The following ARRB1 variants were observed in gnomAD, a reference collection of about 807,000 sequenced individuals.
The protein encoded by ARRB1 is arrestin beta 1, also known as beta-arrestin-1.
ARRB1 carries 21 observed loss-of-function variants against 56.8 expected under a neutral mutation model. That is an observed-to-expected ratio of 0.37 (90% confidence interval 0.26 to 0.53). ARRB1 has a LOEUF of 0.53. Ranked by LOEUF, ARRB1 falls within the 20% of genes least tolerant of loss-of-function variation. The pLI is 0.88. For missense variants in ARRB1, 424 were observed against 553.7 expected (o/e 0.77, Z 2.35); for synonymous variants, 210 against 218.6 (o/e 0.96, Z 0.35).
intron 1 of ARRB1, among the ~76,000 whole-genome samples, chr11:75,297,470 T>C (rs927269166): frequency 1.3e-4 from 19 of 151,938 alleles, no homozygotes; most frequent in African/African-American, 3.9e-4. Context: ...GGCAAGTCAA[T>C]GGGGAAAGAA....
At chr11:75,315,224 G>A (rs532637748) in intron 1 of ARRB1, among the ~76,000 whole-genome samples, 5 of 152,236 alleles carry the variant, frequency 3.3e-5, no homozygotes, top group African/African-American at 9.6e-5. Context: ...CCTCCTCCCA[G>A]TTCCTCAATG....
chr11:75,303,860 C>T (rs997668379), intron 1 of ARRB1, among the ~76,000 whole-genome samples: 2 of 152,168 alleles, frequency 1.3e-5, no homozygotes, highest in African/African-American at 2.4e-5. Flanking sequence ...GTGGATGCCA[C>T]GGAACTGAAA....
chr11:75,260,219 A>G lies in ARRB1; in HGVS notation c.*5944T>C, dbSNP rs1201291448. On this transcript the variant is annotated 3_prime_UTR_variant, in exon 16 of 16. Coordinates refer to ENST00000420843, the MANE Select transcript of ARRB1 (RefSeq NM_004041.5). ...CTATAATAACTTGTCTGACATAATA[A>G]GAATGCCACAGGTATAACAGATAAA... 1 of 152,260 alleles carries G rather than the reference A, an allele frequency of 6.6e-6. No homozygotes were observed. Among genetic ancestry groups the G allele is most frequent in the Non-Finnish European group, 1.5e-5 (1 of 68,046 alleles). 9.4% of individuals were successfully genotyped at this position (152,260 alleles called of 1,614,324 possible). A position where few individuals can be genotyped will look rare whatever the true frequency, so the allele number is the denominator to read the frequency against.
At chr11:75,349,387 A>G (rs1355508912) in intron 1 of ARRB1, among the ~76,000 whole-genome samples, 1 of 152,242 alleles carries the variant, frequency 6.6e-6, no homozygotes, top group Non-Finnish European at 1.5e-5. Context: ...CAATGTCCCA[A>G]AGGTCCACCA....
intron 2 of ARRB1, among the ~76,000 whole-genome samples, chr11:75,288,474 G>A (rs1052352937): frequency 2.0e-5 from 3 of 151,924 alleles, no homozygotes; most frequent in African/African-American, 4.8e-5. Context: ...TGACTCGATC[G>A]CCATCATTAT....
chr11:75,287,013 C>G (rs983957989), intron 3 of ARRB1, among the ~76,000 whole-genome samples: 1 of 152,176 alleles, frequency 6.6e-6, no homozygotes, highest in African/African-American at 2.4e-5. Flanking sequence ...ATAGCCACCC[C>G]CACTGTCTGC....
At chr11:75,298,425 A>T (rs1946815226) in intron 1 of ARRB1, among the ~76,000 whole-genome samples, 1 of 152,192 alleles carries the variant, frequency 6.6e-6, no homozygotes, top group Non-Finnish European at 1.5e-5. Flanking sequence ...GAAGATATTC[A>T]AGTGGCCACT....
chr11:75,325,567 C>A (rs1235063654), intron 1 of ARRB1, among the ~76,000 whole-genome samples: 2 of 152,222 alleles, frequency 1.3e-5, no homozygotes, highest in Non-Finnish European at 2.9e-5. Flanking sequence ...AAGTGATCTA[C>A]CTGCCTCAGC....
At chr11:75,309,811 A>G (rs1254312966) in intron 1 of ARRB1, among the ~76,000 whole-genome samples, 1 of 152,192 alleles carries the variant, frequency 6.6e-6, no homozygotes, top group Non-Finnish European at 1.5e-5. Context: ...TAAGGTGGGC[A>G]CAGCAAAGCC....
intron 13 of ARRB1, 24 bp from the exon 14 acceptor site, chr11:75,268,983 T>G: frequency 6.2e-7 from 1 of 1,602,508 alleles, no homozygotes. Context: ...CCAGACCCAG[T>G]GAGCCTTGAG....
chr11:75,280,927 C>T (rs987763433), intron 7 of ARRB1, 148 bp downstream of exon 7: 2 of 935,064 alleles, frequency 2.1e-6, no homozygotes, highest in African/African-American at 3.3e-5. Context: ...TCCGTGACCT[C>T]CCAGCTTCCA....
intron 10 of ARRB1, among the ~76,000 whole-genome samples, chr11:75,276,488 C>T (rs1470957988): frequency 6.6e-6 from 1 of 152,198 alleles, no homozygotes; most frequent in Non-Finnish European, 1.5e-5. Flanking sequence ...CCACTTTGCC[C>T]TGGCTACCAG....
chr11:75,263,898 T>C lies in ARRB1; in HGVS notation c.*2265A>G, dbSNP rs1818312309. Among the ~76,000 whole-genome samples the C allele has an allele frequency of 6.6e-6, 1 of 152,150 alleles. No individual in the cohort carries two copies. The highest frequency in any genetic ancestry group is 6.5e-5 in the Admixed American group (1 of 15,282). ...ACGTTTTCCATGCATGAGTTAGGGA[T>C]AGGGGAAGAAGTCTGCAGGAAAGAG... is the stretch of plus-strand genomic sequence containing the variant. On this transcript the variant is annotated 3_prime_UTR_variant, in exon 16 of 16. Transcript: ENST00000420843.
Position 75,261,278 on chromosome 11 carries a change from T to G in ARRB1, c.*4885A>C, listed in dbSNP as rs1297743818. The G allele has an allele frequency of 2.0e-5, 3 of 152,168 alleles. No homozygotes were observed. The East Asian group carries it at 5.8e-4, about 29-fold the overall frequency. 9.4% of individuals were successfully genotyped at this position (152,168 alleles called of 1,614,324 possible). A position where few individuals can be genotyped will look rare whatever the true frequency, so the allele number is the denominator to read the frequency against. ...GTTCCAACACAAAGACACTTTGTAC[T>G]GGAACGCTGGAGCCATTCCAACATG... On this transcript the variant is annotated 3_prime_UTR_variant, in exon 16 of 16. Coordinates refer to ENST00000420843, the MANE Select transcript of ARRB1 (RefSeq NM_004041.5).
chr11:75,281,872 G>T, intron 6 of ARRB1, 90 bp downstream of exon 6: 1 of 1,347,356 alleles, frequency 7.4e-7, no homozygotes, highest in African/African-American at 1.4e-5. Context: ...GAGTGGTCCT[G>T]TGTGTCCAGC....
chr11:75,279,236 T>C (rs535212406), intron 7 of ARRB1, among the ~76,000 whole-genome samples: 2 of 152,346 alleles, frequency 1.3e-5, no homozygotes, highest in Non-Finnish European at 2.9e-5. Flanking sequence ...ATATCTATTA[T>C]GTAAAACTAT....
chr11:75,338,365 TGAG>T (rs1374624014), intron 1 of ARRB1, among the ~76,000 whole-genome samples: 1 of 152,236 alleles, frequency 6.6e-6, no homozygotes, highest in South Asian at 2.1e-4. Context: ...GGCGGTAGAA[TGAG>T]GAGAACAGTA....
At chr11:75,339,048 C>G (rs1947656722) in intron 1 of ARRB1, among the ~76,000 whole-genome samples, 1 of 152,250 alleles carries the variant, frequency 6.6e-6, no homozygotes, top group African/African-American at 2.4e-5. Context: ...TCCTCTCCAC[C>G]ACTCCACGTG....
chr11:75,289,282 T>A (rs182254769), intron 2 of ARRB1, among the ~76,000 whole-genome samples: 1 of 152,324 alleles, frequency 6.6e-6, no homozygotes, highest in Admixed American at 6.5e-5. Context: ...GTTCCTATGC[T>A]TTTATGTCCT....
Sources: gnomAD v4.1 joint callset for allele counts (sites outside exome capture counted in the v4.1 genomes callset) on GRCh38, gnomAD v4.1.1 for gene constraint, MANE v1.5 for transcripts, NCBI Gene and HGNC (gene_info 2026-07-23, HGNC 2026-07-21) for gene names.